Variants in NUP210L observed in about 807,000 individuals in gnomAD.
NUP210L encodes nuclear pore membrane glycoprotein 210-like.
Under a neutral mutation model 208.5 loss-of-function variants are expected in NUP210L, and 74 were observed. The observed-to-expected ratio is 0.35, with a 90% confidence interval of 0.29 to 0.43. NUP210L has a LOEUF of 0.43. Among genes scored for constraint, NUP210L ranks in the 20% least tolerant of loss-of-function variants. The pLI is 1.00. For synonymous variants in NUP210L, 780 were observed against 816.9 expected (o/e 0.95, Z 0.77); for missense variants, 1,843 against 2,289.4 (o/e 0.81, Z 3.98).
exon 37 of NUP210L, chr1:154,000,916 C>T (rs374684568): frequency 6.2e-7 from 1 of 1,613,942 alleles, no homozygotes; most frequent in African/African-American, 1.3e-5. Context: ...CTGGTGAGTA[C>T]ACAGGAAATA....
intron 35 of NUP210L, among the ~76,000 whole-genome samples, chr1:154,007,960 C>T (rs986070779): frequency 6.6e-5 from 10 of 151,406 alleles, no homozygotes; most frequent in Admixed American, 2.6e-4. Context: ...TAACCTCTGC[C>T]TCCTGGATTC....
chr1:154,070,813 A>G (rs769381483), intron 16 of NUP210L, among the ~76,000 whole-genome samples: 1 of 152,184 alleles, frequency 6.6e-6, no homozygotes, highest in Non-Finnish European at 1.5e-5. Flanking sequence ...TCTGCTATGT[A>G]AGAAACAGGA....
chr1:154,139,687 C>CAAAAAAAA (rs879154434), intron 5 of NUP210L, 115 bp downstream of exon 5: 2 of 487,426 alleles, frequency 4.1e-6, no homozygotes, highest in Non-Finnish European at 6.9e-6. Context: ...AACAAACAAA[C>CAAAAAAAA]AAAAAAAAAA....
chr1:154,060,074 A>G (rs888423902), intron 20 of NUP210L, among the ~76,000 whole-genome samples: 2 of 152,094 alleles, frequency 1.3e-5, no homozygotes, highest in African/African-American at 4.8e-5. Flanking sequence ...CCCTATCTCT[A>G]CTAAAAATAC....
chr1:154,064,273 G>A (rs1388066309), intron 17 of NUP210L, among the ~76,000 whole-genome samples: 2 of 151,936 alleles, frequency 1.3e-5, no homozygotes, highest in South Asian at 4.2e-4. Flanking sequence ...CACCCACCTT[G>A]ACTCTGGTTT....
chr1:154,099,143 C>T (rs540788583), intron 14 of NUP210L, among the ~76,000 whole-genome samples: 3 of 152,190 alleles, frequency 2.0e-5, no homozygotes, highest in South Asian at 4.1e-4. Flanking sequence ...TTCCTGGGTT[C>T]CCAAGAGTAC....
In NUP210L at chr1:153,995,109, C is replaced by T. The variant is rs372943328; in HGVS notation, c.5458G>A (p.Ala1820Thr). 643 of 1,613,504 alleles carry T rather than the reference C, an allele frequency of 4.0e-4. 2 individuals carry two copies. The South Asian group carries it at 5.2e-3, about 13-fold the overall frequency. Residue 1820 changes from alanine (A) to threonine (T), a missense_variant, in exon 38 of 40, where the codon GCA becomes ACA. Transcript: ENST00000368559. The stretch of plus-strand genomic sequence containing the variant: ...ATGGAAGCTGTTGATGCCAGCACTG[C>T]AAAGAGGGTCAAGAGCAGGATCTGG...
intron 27 of NUP210L, among the ~76,000 whole-genome samples, chr1:154,036,386 T>G (rs61805532): frequency 1.9e-4 from 24 of 125,898 alleles, no homozygotes; most frequent in African/African-American, 4.7e-4. Flanking sequence ...TTTTTTTTTT[T>G]GGAGTTTCAC....
At chr1:154,155,062 G>C in exon 1 of NUP210L, 1 of 1,573,830 alleles carries the variant, frequency 6.4e-7, no homozygotes, top group South Asian at 1.1e-5. Flanking sequence ...GCCAGGTCTC[G>C]GGTTCCCGCT....
At chr1:154,114,949 C>T (rs1657245176) in intron 12 of NUP210L, among the ~76,000 whole-genome samples, 1 of 152,166 alleles carries the variant, frequency 6.6e-6, no homozygotes, top group Non-Finnish European at 1.5e-5. Flanking sequence ...TCCACATCAT[C>T]TCTGTGGCTT....
intron 33 of NUP210L, among the ~76,000 whole-genome samples, chr1:154,017,301 G>T (rs961824875): frequency 2.0e-5 from 3 of 151,508 alleles, no homozygotes; most frequent in Non-Finnish European, 4.4e-5. Context: ...AAAAAAAGGG[G>T]GGGGCTCAGG....
At position 154,061,669 on chromosome 1, in the gene NUP210L, G is replaced by A; in HGVS notation, c.2560C>T (p.Gln854Ter). Residue 854 changes from glutamine (Q) to a stop codon, truncating the protein, a stop_gained, in exon 18 of 40, where the codon CAG (glutamine) becomes TAG (stop). Transcript: ENST00000368559. LOFTEE classifies it high-confidence loss of function. The stretch of plus-strand genomic sequence containing the variant: ...TTTATCTGATGTACTTTAAGGATCT[G>A]ATGACCTGGAAACATGCAGAAAAAT... 1 of 1,589,856 alleles carries A rather than the reference G, an allele frequency of 6.3e-7. No homozygotes were observed. The highest frequency in any genetic ancestry group is 1.3e-5 in the African/African-American group (1 of 74,176).
intron 2 of NUP210L, 86 bp from the exon 3 acceptor site, chr1:154,143,663 G>A: frequency 1.7e-6 from 2 of 1,190,740 alleles, no homozygotes; most frequent in South Asian, 3.1e-5. Flanking sequence ...GTATTCTAAA[G>A]ATTATGAAAA....
In NUP210L at chr1:154,067,293, G is replaced by A. The variant is rs537278113; in HGVS notation, c.2554+2980C>T. Among the ~76,000 whole-genome samples, 42 of 152,008 alleles carry A rather than the reference G, an allele frequency of 2.8e-4. No individual in the cohort carries two copies. The East Asian group carries it at 6.0e-3, about 22-fold the overall frequency. On this transcript the variant is annotated intron_variant, in intron 17 of 39. Coordinates refer to ENST00000368559, the Ensembl canonical transcript of NUP210L. Reference sequence around the variant, plus strand: ...GGGATGCAAGGCTGGTTCAACATACGCAAATCAATAAACATAATCCATCAC... The same window carrying A: ...GGGATGCAAGGCTGGTTCAACATACACAAATCAATAAACATAATCCATCAC...
At position 154,062,215 on chromosome 1, in the gene NUP210L, G is replaced by A. The variant is rs146381505; in HGVS notation, c.2555-541C>T. Among the ~76,000 whole-genome samples the A allele has an allele frequency of 1.5e-4, 23 of 152,224 alleles. No homozygotes were observed. The East Asian group carries it at 2.1e-3, about 14-fold the overall frequency. On this transcript the variant is annotated intron_variant, in intron 17 of 39. Transcript: ENST00000368559. ...ATCTCTTATTTCCTTTATTAAATGA[G>A]GGACTGGGCCAGGCGAAATCTAAAA...
At chr1:153,993,502 C>T (rs1649607323) in intron 38 of NUP210L, among the ~76,000 whole-genome samples, 1 of 148,490 alleles carries the variant, frequency 6.7e-6, no homozygotes, top group African/African-American at 2.5e-5. Context: ...GGAGGCGGAG[C>T]TTGTAGTGAG....
At chr1:154,091,061 T>A (rs966831285) in intron 15 of NUP210L, among the ~76,000 whole-genome samples, 2 of 133,150 alleles carry the variant, frequency 1.5e-5, no homozygotes, top group Non-Finnish European at 3.1e-5. Flanking sequence ...GCATTATTAT[T>A]ATTATTGCTG....
intron 33 of NUP210L, among the ~76,000 whole-genome samples, chr1:154,015,741 A>C (rs1651200715): frequency 6.6e-6 from 1 of 150,442 alleles, no homozygotes; most frequent in African/African-American, 2.5e-5. Context: ...ACACACACAC[A>C]CACACACACC....
chr1:154,021,087 G>A (rs1351712836), intron 32 of NUP210L, among the ~76,000 whole-genome samples: 3 of 150,202 alleles, frequency 2.0e-5, no homozygotes, highest in Admixed American at 6.6e-5. Flanking sequence ...GACTACAGGC[G>A]TGTGCCACCA....
Sources: gnomAD v4.1 joint callset for allele counts (sites outside exome capture counted in the v4.1 genomes callset) on GRCh38, gnomAD v4.1.1 for gene constraint, MANE v1.5 for transcripts, NCBI Gene and HGNC (gene_info 2026-07-23, HGNC 2026-07-21) for gene names.